Variants in PLXDC2 observed in about 807,000 individuals in gnomAD.
PLXDC2 encodes plexin domain containing 2, also known as plexin domain-containing protein 2.
A neutral mutation model predicts 68.9 loss-of-function variants in PLXDC2; 40 were observed. The observed-to-expected ratio is 0.58, with a 90% CI of 0.45 to 0.76. The LOEUF (loss-of-function observed/expected upper bound fraction) is 0.76, where lower values mean the gene tolerates loss of function less well. Ranked by LOEUF, PLXDC2 falls within the 30% of genes least tolerant of loss-of-function variation. The pLI, the probability that PLXDC2 is intolerant of heterozygous loss-of-function variation, is 0.00. For synonymous variants in PLXDC2, 243 were observed against 234.2 expected (o/e 1.04, Z -0.34); for missense variants, 644 against 661.9 (o/e 0.97, Z 0.30).
intron 1 of PLXDC2, among the ~76,000 whole-genome samples, chr10:19,971,844 G>C (rs978712981): frequency 6.6e-6 from 1 of 152,144 alleles, no homozygotes; most frequent in Non-Finnish European, 1.5e-5. Flanking sequence ...GTTTACATGT[G>C]ATATAAGTCA....
intron 1 of PLXDC2, among the ~76,000 whole-genome samples, chr10:19,985,320 G>A (rs72789661): frequency 0.053 from 8,019 of 152,254 alleles, 274 homozygotes; most frequent in Middle Eastern, 0.092. Context: ...TTAAACAGAG[G>A]AAAATGGGGA....
chr10:19,856,142 A>C (rs1351422158), intron 1 of PLXDC2, among the ~76,000 whole-genome samples: 1 of 152,062 alleles, frequency 6.6e-6, no homozygotes, highest in Non-Finnish European at 1.5e-5. Flanking sequence ...CTATTTAAAA[A>C]CTGGGTATGT....
intron 4 of PLXDC2, among the ~76,000 whole-genome samples, chr10:20,116,077 C>A (rs1833617271): frequency 6.6e-6 from 1 of 152,196 alleles, no homozygotes; most frequent in African/African-American, 2.4e-5. Context: ...ATTCACGCTG[C>A]TCCTCTACAA....
At chr10:20,159,915 A>G (rs765186033) in intron 6 of PLXDC2, among the ~76,000 whole-genome samples, 24 of 152,110 alleles carry the variant, frequency 1.6e-4, no homozygotes, top group Non-Finnish European at 2.4e-4. Context: ...CTTCTCTCCT[A>G]GAGATCCCTG....
At chr10:20,166,042 C>T (rs982107132) in intron 7 of PLXDC2, among the ~76,000 whole-genome samples, 1 of 151,902 alleles carries the variant, frequency 6.6e-6, no homozygotes, top group Non-Finnish European at 1.5e-5. Flanking sequence ...CTCTTTTGTT[C>T]AAAGTTCTTT....
At chr10:19,920,096 A>G (rs952810190) in intron 1 of PLXDC2, among the ~76,000 whole-genome samples, 3 of 152,238 alleles carry the variant, frequency 2.0e-5, no homozygotes, top group African/African-American at 4.8e-5. Flanking sequence ...GGGGCAATAT[A>G]TCTTGTTGCC....
At chr10:20,174,341 T>C (rs768453538) in intron 7 of PLXDC2, among the ~76,000 whole-genome samples, 1 of 152,196 alleles carries the variant, frequency 6.6e-6, no homozygotes, top group Non-Finnish European at 1.5e-5. Context: ...ATATACTTCA[T>C]GAAACCTTAC....
intron 2 of PLXDC2, among the ~76,000 whole-genome samples, chr10:20,009,966 G>C (rs61841768): frequency 0.023 from 3,556 of 152,128 alleles, 63 homozygotes; most frequent in Non-Finnish European, 0.034. Flanking sequence ...TAGAATTGTT[G>C]TGGTGTGACA....
intron 3 of PLXDC2, among the ~76,000 whole-genome samples, chr10:20,067,328 G>A (rs1441488298): frequency 1.3e-5 from 2 of 152,030 alleles, no homozygotes; most frequent in Non-Finnish European, 2.9e-5. Flanking sequence ...TAGAACTCTT[G>A]TGTTTCTAAG....
chr10:20,001,538 A>T, intron 1 of PLXDC2, among the ~76,000 whole-genome samples: 1 of 151,758 alleles, frequency 6.6e-6, no homozygotes, highest in East Asian at 1.9e-4. Flanking sequence ...TGTTTTTAAA[A>T]ACTCTGCAAG....
At chr10:19,936,566 C>CA (rs1213854167) in intron 1 of PLXDC2, among the ~76,000 whole-genome samples, 16 of 152,190 alleles carry the variant, frequency 1.1e-4, no homozygotes, top group Admixed American at 7.2e-4. Flanking sequence ...TGCCTGACAA[C>CA]ATGTTTGTGA....
intron 1 of PLXDC2, among the ~76,000 whole-genome samples, chr10:19,963,186 A>G (rs1372545425): frequency 6.6e-6 from 1 of 152,028 alleles, no homozygotes; most frequent in Non-Finnish European, 1.5e-5. Context: ...TCACACATTC[A>G]TTTCCCTTGA....
chr10:20,220,681 A>G (rs1250258555), intron 12 of PLXDC2, among the ~76,000 whole-genome samples: 4 of 152,190 alleles, frequency 2.6e-5, no homozygotes, highest in Non-Finnish European at 2.9e-5. Context: ...TTTCTGCTCA[A>G]TGCTTGCTAA....
chr10:19,950,861 T>C (rs1833980367), intron 1 of PLXDC2, among the ~76,000 whole-genome samples: 1 of 152,084 alleles, frequency 6.6e-6, no homozygotes, highest in Non-Finnish European at 1.5e-5. Flanking sequence ...CCTACAACCA[T>C]CTAATTGTTG....
intron 3 of PLXDC2, among the ~76,000 whole-genome samples, chr10:20,048,894 CTTATTG>C (rs1374047137): frequency 6.6e-6 from 1 of 151,950 alleles, no homozygotes; most frequent in Admixed American, 6.6e-5. Flanking sequence ...CCATTTTTTT[CTTATTG>C]TTAGTGTGGC....
intron 13 of PLXDC2, among the ~76,000 whole-genome samples, chr10:20,250,127 G>A (rs915284605): frequency 6.6e-6 from 1 of 151,970 alleles, no homozygotes; most frequent in African/African-American, 2.4e-5. Flanking sequence ...AATTAGCCAG[G>A]CATGGTGGTA....
intron 4 of PLXDC2, among the ~76,000 whole-genome samples, chr10:20,075,669 T>C (rs1372259759): frequency 6.6e-6 from 1 of 151,920 alleles, no homozygotes; most frequent in African/African-American, 2.4e-5. Flanking sequence ...GTTGACTCAA[T>C]AGGAATCAGC....
rs1304894554 is a variant in PLXDC2, at chr10:20,116,613, T to A, written c.542-26682T>A. Reference sequence around the variant, plus strand: ...AATAAGTTATTTAATGAAGTAACATTAGAAGTAAGGTATTTGGATACCTAC... The same window carrying A: ...AATAAGTTATTTAATGAAGTAACATAAGAAGTAAGGTATTTGGATACCTAC... On this transcript the variant is annotated intron_variant, in intron 4 of 13. Transcript: ENST00000377252. Among the ~76,000 whole-genome samples, 4 of 152,204 alleles carry A rather than the reference T, an allele frequency of 2.6e-5. No homozygotes were observed. The East Asian group carries it at 7.7e-4, about 29-fold the overall frequency.
chr10:19,819,372 A>G (rs1836420886), intron 1 of PLXDC2, among the ~76,000 whole-genome samples: 1 of 152,206 alleles, frequency 6.6e-6, no homozygotes, highest in Non-Finnish European at 1.5e-5. Context: ...TTTTATGAAA[A>G]AAATATTGTA....
Sources: allele counts gnomAD v4.1 joint callset (sites outside exome capture counted in the v4.1 genomes callset), GRCh38; gene constraint gnomAD v4.1.1; transcripts MANE v1.5; gene names NCBI Gene and HGNC (gene_info 2026-07-23, HGNC 2026-07-21).